CMSS1: variants seen among roughly 807,000 people sequenced by gnomAD.
CMSS1 encodes protein CMSS1.
A neutral mutation model predicts 43.5 loss-of-function variants in CMSS1; 33 were observed. The ratio of observed to expected loss-of-function variants is 0.76; its 90% confidence interval spans 0.57 to 1.01. CMSS1 has a LOEUF of 1.01. CMSS1 is among the 50% of genes least tolerant of loss of function. The probability of loss-of-function intolerance (pLI) is 0.00; values close to 1 mark genes in which losing one functional copy is unlikely to be tolerated. For synonymous variants in CMSS1, 115 were observed against 117.2 expected (o/e 0.98, Z 0.12); for missense variants, 313 against 326.4 (o/e 0.96, Z 0.32).
At chr3:99,997,246 A>G (rs1709710602) in intron 1 of CMSS1, among the ~76,000 whole-genome samples, 1 of 152,246 alleles carries the variant, frequency 6.6e-6, no homozygotes, top group Non-Finnish European at 1.5e-5. Context: ...GAAGGTCCAA[A>G]TAAAAATCAG....
chr3:99,961,515 C>T (rs1337720479), intron 1 of CMSS1, among the ~76,000 whole-genome samples: 2 of 152,092 alleles, frequency 1.3e-5, no homozygotes, highest in Non-Finnish European at 2.9e-5. Context: ...ATTTTGCCAG[C>T]CCATGTGTGA....
At chr3:99,889,024 T>C (rs1488980007) in intron 1 of CMSS1, among the ~76,000 whole-genome samples, 2 of 152,194 alleles carry the variant, frequency 1.3e-5, no homozygotes, top group African/African-American at 2.4e-5. Flanking sequence ...GTTTGTTTCA[T>C]GGCCTCACTA....
At chr3:100,003,694 A>T (rs1188419604) in intron 1 of CMSS1, among the ~76,000 whole-genome samples, 1 of 152,148 alleles carries the variant, frequency 6.6e-6, no homozygotes. Context: ...GGTCATCTTC[A>T]TACTTGATCT....
chr3:100,085,474 A>G (rs182005826), intron 1 of CMSS1, among the ~76,000 whole-genome samples: 8 of 152,320 alleles, frequency 5.3e-5, no homozygotes, highest in East Asian at 3.9e-4. Flanking sequence ...TCTCAAAACC[A>G]TACATCAATC....
Position 99,972,003 on chromosome 3 carries a change from T to C in CMSS1, c.64+153960T>C, listed in dbSNP as rs143598431. On this transcript the variant is annotated intron_variant, in intron 1 of 9. Coordinates refer to ENST00000421999, the MANE Select transcript of CMSS1 (RefSeq NM_032359.4). ...ATTAGCACACTGACATGGAGTATAG[T>C]CAGCAAATGGATAAGATGGTTAAGT... Among the ~76,000 whole-genome samples, 705 of 152,328 alleles carry C rather than the reference T, an allele frequency of 4.6e-3. 2 individuals carry two copies. Among genetic ancestry groups the C allele is most frequent in the South Asian group, 6.8e-3 (33 of 4,830 alleles).
intron 1 of CMSS1, among the ~76,000 whole-genome samples, chr3:99,997,351 A>AAAT (rs1709713679): frequency 6.6e-6 from 1 of 152,222 alleles, no homozygotes; most frequent in South Asian, 2.1e-4. Context: ...ACAAACTAGA[A>AAAT]AACCTAGAGG....
At chr3:99,938,804 A>G (rs1251981821) in intron 1 of CMSS1, among the ~76,000 whole-genome samples, 1 of 152,046 alleles carries the variant, frequency 6.6e-6, no homozygotes, top group Non-Finnish European at 1.5e-5. Flanking sequence ...AGGGGAAAAA[A>G]TCCTGTTGGG....
intron 1 of CMSS1, among the ~76,000 whole-genome samples, chr3:100,092,984 G>A (rs1038803809): frequency 2.0e-5 from 3 of 151,898 alleles, no homozygotes; most frequent in African/African-American, 7.3e-5. Flanking sequence ...CCAGCCTGAT[G>A]CTAAAGGTTC....
intron 1 of CMSS1, chr3:99,874,318 C>G (rs1705395102): frequency 6.6e-6 from 1 of 152,210 alleles, no homozygotes; most frequent in South Asian, 2.1e-4. Context: ...TTCTGTTTGT[C>G]TCTTCCTCTG....
chr3:99,901,474 A>G (rs1413684178), intron 1 of CMSS1, among the ~76,000 whole-genome samples: 1 of 152,232 alleles, frequency 6.6e-6, no homozygotes, highest in Admixed American at 6.5e-5. Context: ...ACTGAACAAA[A>G]TGCCTCAGAA....
chr3:100,032,709 T>A (rs1406272584), intron 1 of CMSS1, among the ~76,000 whole-genome samples: 2 of 152,178 alleles, frequency 1.3e-5, no homozygotes, highest in Non-Finnish European at 2.9e-5. Flanking sequence ...ATGAATAATT[T>A]ATGGGCAGTT....
chr3:99,864,548 C>T (rs1354742888), intron 1 of CMSS1, among the ~76,000 whole-genome samples: 1 of 152,122 alleles, frequency 6.6e-6, no homozygotes, highest in African/African-American at 2.4e-5. Context: ...AACAACCAGG[C>T]TACATGCCGG....
At chr3:100,147,265 C>CTTTTTTTTTTTTTT (rs71132514) in intron 2 of CMSS1, among the ~76,000 whole-genome samples, 6 of 86,832 alleles carry the variant, frequency 6.9e-5, no homozygotes, top group African/African-American at 1.8e-4. Context: ...AATTCTTTTT[C>CTTTTTTTTTTTTTT]TTTTTTTTTT....
chr3:99,886,570 G>A (rs1705904853), intron 1 of CMSS1, among the ~76,000 whole-genome samples: 2 of 152,072 alleles, frequency 1.3e-5, no homozygotes, highest in African/African-American at 4.8e-5. Context: ...TTTTGGGGGG[G>A]TAGATAGAAC....
intron 1 of CMSS1, among the ~76,000 whole-genome samples, chr3:100,089,232 T>C (rs2066063439): frequency 6.6e-6 from 1 of 152,240 alleles, no homozygotes; most frequent in South Asian, 2.1e-4. Flanking sequence ...AGTAATCTTA[T>C]TGATCTGCTT....
rs189042886 is a variant in CMSS1 at position 99,822,156 on chromosome 3, C to T, written c.64+4113C>T. Among the ~76,000 whole-genome samples the T allele has an allele frequency of 7.9e-5, 12 of 152,284 alleles. No individual in the cohort carries two copies. In the East Asian group the frequency reaches 1.3e-3, roughly 17 times the overall value. On this transcript the variant is annotated intron_variant, in intron 1 of 9. Coordinates refer to ENST00000421999, the MANE Select transcript of CMSS1 (RefSeq NM_032359.4). ...TGACATACCTATTAAATTACCAAGT[C>T]GAGTACCCAGTAGGCAGCTAAGTAT...
At chr3:100,058,511 T>C (rs1016293371) in intron 1 of CMSS1, among the ~76,000 whole-genome samples, 1 of 152,248 alleles carries the variant, frequency 6.6e-6, no homozygotes, top group African/African-American at 2.4e-5. Context: ...TCCCGGCAGC[T>C]TGAGATACTC....
intron 1 of CMSS1, among the ~76,000 whole-genome samples, chr3:100,057,897 G>T (rs923279510): frequency 6.6e-6 from 1 of 152,088 alleles, no homozygotes; most frequent in African/African-American, 2.4e-5. Context: ...ATTCCTCAAA[G>T]ATCCTGATGA....
At chr3:100,098,934 A>G (rs2066258695) in intron 1 of CMSS1, among the ~76,000 whole-genome samples, 1 of 152,224 alleles carries the variant, frequency 6.6e-6, no homozygotes, top group Admixed American at 6.5e-5. Context: ...GATTATAAAT[A>G]ATGCCAGTTA....
Sources: allele counts gnomAD v4.1 joint callset (sites outside exome capture counted in the v4.1 genomes callset), GRCh38; gene constraint gnomAD v4.1.1; transcripts MANE v1.5; gene names NCBI Gene and HGNC (gene_info 2026-07-23, HGNC 2026-07-21).